PCSK6: variants seen among roughly 807,000 people sequenced by gnomAD.
PCSK6 encodes the protein proprotein convertase subtilisin/kexin type 6, also known as paired basic amino acid cleaving enzyme 4.
In PCSK6, 85 loss-of-function variants were observed where a neutral mutation model predicts 123.3. That is an observed-to-expected ratio of 0.69 (90% CI 0.58 to 0.83). The LOEUF (loss-of-function observed/expected upper bound fraction) is 0.83, where lower values mean the gene tolerates loss of function less well. Among genes scored for constraint, PCSK6 ranks in the 40% least tolerant of loss-of-function variants. PCSK6 has a pLI of 0.00. For synonymous variants in PCSK6, 508 were observed against 516.0 expected, an observed-to-expected ratio of 0.98 and a Z score of 0.21; for missense variants, 1,191 against 1,282.3, an observed-to-expected ratio of 0.93 and a Z score of 1.09.
At chr15:101,428,419 C>G (rs985050545) in intron 5 of PCSK6, among the ~76,000 whole-genome samples, 15 of 152,192 alleles carry the variant, frequency 9.9e-5, no homozygotes, top group Admixed American at 2.0e-4. Flanking sequence ...AAAGAAGGAA[C>G]AGTCTGGTGC....
chr15:101,413,113 G>C (rs2055763980), intron 6 of PCSK6, among the ~76,000 whole-genome samples: 1 of 152,130 alleles, frequency 6.6e-6, no homozygotes, highest in Admixed American at 6.5e-5. Flanking sequence ...TTTGGCAAGA[G>C]ATATAAACCT....
intron 1 of PCSK6, among the ~76,000 whole-genome samples, chr15:101,479,632 CT>C (rs979695659): frequency 6.6e-6 from 1 of 152,208 alleles, no homozygotes; most frequent in Admixed American, 6.5e-5. Context: ...GGTTTCCCAT[CT>C]GGAGGACGGG....
At position 101,398,312 on chromosome 15, in the gene PCSK6, AGGG is replaced by A; in HGVS notation, c.996+89_996+91del. 2 of 1,424,060 alleles carry A rather than the reference AGGG, an allele frequency of 1.4e-6. No individual in the cohort carries two copies. The highest frequency in any genetic ancestry group is 1.9e-6 in the Non-Finnish European group (2 of 1,048,910). The allele number at this position is 1,424,060 out of a possible 1,614,324, so 88.2% of individuals were successfully genotyped here. A position where few individuals can be genotyped will look rare whatever the true frequency, so the allele number is the denominator to read the frequency against. On this transcript the variant is annotated intron_variant, in intron 7 of 21. Coordinates refer to ENST00000611716, the MANE Select transcript of PCSK6 (RefSeq NM_002570.5). The surrounding 1 kb of genome is among the most constrained non-coding windows in gnomAD (Gnocchi z 4.6). ...AGCAGAGTCTTCCCTGTCTTGTTTC[AGGG>A]CTGTGGCCAGTGTCACTCTGATACT...
At chr15:101,402,721 A>G (rs1387079842) in intron 6 of PCSK6, among the ~76,000 whole-genome samples, 3 of 152,270 alleles carry the variant, frequency 2.0e-5, no homozygotes, top group African/African-American at 7.2e-5. Context: ...CCACAATGAG[A>G]TATCATCTCA....
At chr15:101,481,165 AGT>A (rs1337712365) in intron 1 of PCSK6, among the ~76,000 whole-genome samples, 6 of 152,218 alleles carry the variant, frequency 3.9e-5, no homozygotes, top group Non-Finnish European at 8.8e-5. Flanking sequence ...CCCAGAGCCC[AGT>A]GTCAGAAACA....
At chr15:101,400,111 A>G (rs1432494382) in intron 6 of PCSK6, among the ~76,000 whole-genome samples, 1 of 152,116 alleles carries the variant, frequency 6.6e-6, no homozygotes, top group Non-Finnish European at 1.5e-5. Context: ...TGCAGCCTCA[A>G]ACACCTGGGC....
At chr15:101,366,395 CT>C in intron 12 of PCSK6, 63 bp from the exon 13 acceptor site, 1 of 1,540,122 alleles carries the variant, frequency 6.5e-7, no homozygotes, top group Non-Finnish European at 8.8e-7. Flanking sequence ...GGCGGAGGGG[CT>C]GGCACAAGCA....
At chr15:101,412,540 C>G (rs1433974159) in intron 6 of PCSK6, among the ~76,000 whole-genome samples, 5 of 150,916 alleles carry the variant, frequency 3.3e-5, no homozygotes, top group Admixed American at 3.3e-4. Context: ...TAGAAAGTCT[C>G]AATAAAGAAA....
Position 101,376,254 on chromosome 15 carries a change from G to A in PCSK6, c.1533-5731C>T, listed in dbSNP as rs533827597. Among the ~76,000 whole-genome samples, 15 of 152,204 alleles carry A rather than the reference G, an allele frequency of 9.9e-5. No individual in the cohort carries two copies. In the East Asian group the frequency reaches 2.9e-3, roughly 30 times the overall value. On this transcript the variant is annotated intron_variant, in intron 11 of 21. Transcript: ENST00000611716. Reference sequence around the variant, plus strand: ...ACTGTAGGTGCAAACCACCATGCCTGGCTCTGTGCTTTTCTGTTGGTGAAT... The same window carrying A: ...ACTGTAGGTGCAAACCACCATGCCTAGCTCTGTGCTTTTCTGTTGGTGAAT...
Position 101,331,974 on chromosome 15 carries a change from G to T in PCSK6, c.1916C>A (p.Thr639Asn). 1 of 1,613,714 alleles carries T rather than the reference G, an allele frequency of 6.2e-7. No homozygotes were observed. Among genetic ancestry groups the T allele is most frequent in the Non-Finnish European group, 8.5e-7 (1 of 1,179,802 alleles). ...CGAGCGGGACTGATGGGCACTGAAG[G>T]TGTGGTACGGGTGCTCTGCTGTGCC... ...LYGTAEHPYH[T>N]FSAHQSRSRM... The change falls in exon 14 of 22, where the codon ACC becomes AAC. Residue 639 changes from threonine (T) to asparagine (N), a missense_variant. Physicochemically the swap from Thr to Asn is moderately conservative, Grantham distance 65. This residue lies in a region of PCSK6 where 630 missense variants were observed against 631.4 expected (regional missense o/e 1.00). Coordinates refer to ENST00000611716, the MANE Select transcript of PCSK6 (RefSeq NM_002570.5).
chr15:101,388,243 A>C (rs2042127337), intron 9 of PCSK6, among the ~76,000 whole-genome samples: 1 of 152,242 alleles, frequency 6.6e-6, no homozygotes. Context: ...AAAAATATCA[A>C]ACTGTTCCTT....
At chr15:101,449,860 C>T (rs1174394847) in intron 1 of PCSK6, among the ~76,000 whole-genome samples, 2 of 152,176 alleles carry the variant, frequency 1.3e-5, no homozygotes, top group Non-Finnish European at 2.9e-5. Context: ...ATCATCTCCT[C>T]TGGGGAGCCT....
intron 1 of PCSK6, among the ~76,000 whole-genome samples, chr15:101,453,591 T>C (rs147210487): frequency 5.9e-5 from 9 of 152,296 alleles, no homozygotes; most frequent in Admixed American, 3.9e-4. Context: ...ACATGCGCTC[T>C]CCCGAGTTTT....
chr15:101,316,373 C>T (rs1383786041), intron 19 of PCSK6: 1 of 152,116 alleles, frequency 6.6e-6, no homozygotes, highest in Admixed American at 6.5e-5. Flanking sequence ...ATGAGAATTC[C>T]AAGGGACTCT....
At chr15:101,432,969 T>A (rs1307140246) in intron 2 of PCSK6, among the ~76,000 whole-genome samples, 1 of 152,238 alleles carries the variant, frequency 6.6e-6, no homozygotes, top group Non-Finnish European at 1.5e-5. Context: ...TCCTGGGTGG[T>A]GACATTATTG....
At chr15:101,354,909 A>T (rs1212778889) in intron 13 of PCSK6, among the ~76,000 whole-genome samples, 1 of 152,256 alleles carries the variant, frequency 6.6e-6, no homozygotes, top group Non-Finnish European at 1.5e-5. Context: ...ACTTTTCCTG[A>T]AACTTTAATT....
intron 13 of PCSK6, among the ~76,000 whole-genome samples, chr15:101,361,001 C>T (rs1370948096): frequency 6.6e-6 from 1 of 152,168 alleles, no homozygotes; most frequent in Non-Finnish European, 1.5e-5. Flanking sequence ...CCAGTGCATC[C>T]CCAGTGCTTA....
chr15:101,372,206 G>A (rs2041606266), intron 11 of PCSK6, among the ~76,000 whole-genome samples: 3 of 152,040 alleles, frequency 2.0e-5, no homozygotes, highest in African/African-American at 4.8e-5. Context: ...ACCCACCGCC[G>A]CCCAGCAGCA....
chr15:101,313,459 G>T lies in PCSK6; in HGVS notation c.2616C>A (p.Phe872Leu). The part of the protein sequence containing the change: ...ECIHCAKNFH[F>L]HDWKCVPACG... ...AGGCTGGCACACACTTCCAGTCGTGGAAGTGGAAGTTTTTCGCACAGTGAA... is the reference window on the plus strand; with the variant it reads ...AGGCTGGCACACACTTCCAGTCGTGTAAGTGGAAGTTTTTCGCACAGTGAA... Residue 872 changes from phenylalanine to leucine, a missense_variant, in exon 20 of 22, where the codon TTC (phenylalanine) becomes TTA (leucine). Phe to Leu is a conservative substitution (Grantham distance 22). Coordinates refer to ENST00000611716, the MANE Select transcript of PCSK6 (RefSeq NM_002570.5). 6.2e-7 allele frequency: 1 copy of T among 1,611,466 alleles called. No individual in the cohort carries two copies. The highest frequency in any genetic ancestry group is 8.5e-7 in the Non-Finnish European group (1 of 1,179,800).
Sources: allele counts gnomAD v4.1 joint callset (sites outside exome capture counted in the v4.1 genomes callset), GRCh38; gene constraint gnomAD v4.1.1; regional missense constraint gnomAD v4.1.1; non-coding constraint Gnocchi (gnomAD v3.1); transcripts MANE v1.5; gene names NCBI Gene and HGNC (gene_info 2026-07-23, HGNC 2026-07-21).